TRPS1: variants seen among roughly 807,000 people sequenced by gnomAD.
TRPS1 encodes transcriptional repressor GATA binding 1.
TRPS1 carries 6 observed loss-of-function variants against 101.2 expected under a neutral mutation model. That is an observed-to-expected ratio of 0.06 (90% CI 0.03 to 0.12). The LOEUF is 0.12. Ranked by LOEUF, TRPS1 falls within the 10% of genes least tolerant of loss-of-function variation. The pLI is 1.00. For synonymous variants in TRPS1, 578 were observed against 589.8 expected (o/e 0.98, Z 0.29); for missense variants, 1,363 against 1,567.0 (o/e 0.87, Z 2.20).
intron 1 of TRPS1, among the ~76,000 whole-genome samples, chr8:115,657,161 G>A (rs1178548201): frequency 2.6e-5 from 4 of 152,054 alleles, no homozygotes; most frequent in Admixed American, 6.6e-5. Flanking sequence ...AAAACTGTCA[G>A]TTTCCTCTGC....
chr8:115,431,075 A>G (rs958139769), intron 5 of TRPS1, among the ~76,000 whole-genome samples: 3 of 152,042 alleles, frequency 2.0e-5, no homozygotes, highest in African/African-American at 7.2e-5. Context: ...TTTTATTACT[A>G]TGTTGGAGTT....
chr8:115,622,940 T>G (rs1818429244), intron 2 of TRPS1, among the ~76,000 whole-genome samples: 1 of 152,130 alleles, frequency 6.6e-6, no homozygotes, highest in South Asian at 2.1e-4. Context: ...TCTAAATACA[T>G]TAGTATTTTA....
chr8:115,502,234 TAC>T (rs1179260210), intron 5 of TRPS1, among the ~76,000 whole-genome samples: 1 of 152,126 alleles, frequency 6.6e-6, no homozygotes, highest in Non-Finnish European at 1.5e-5. Flanking sequence ...TTCTCTGAGT[TAC>T]AGTTTTGGTT....
intron 5 of TRPS1, among the ~76,000 whole-genome samples, chr8:115,442,242 C>T (rs1244332405): frequency 6.6e-6 from 1 of 152,144 alleles, no homozygotes; most frequent in African/African-American, 2.4e-5. Flanking sequence ...ATTATAGAAA[C>T]AGCCAACTTC....
chr8:115,628,136 A>T (rs1055314067), intron 1 of TRPS1, among the ~76,000 whole-genome samples: 34 of 151,798 alleles, frequency 2.2e-4, no homozygotes, highest in Non-Finnish European at 4.0e-4. Context: ...TTCATATGCA[A>T]TAGTTCTTCC....
intron 5 of TRPS1, among the ~76,000 whole-genome samples, chr8:115,462,135 T>A (rs539551630): frequency 6.6e-6 from 1 of 152,200 alleles, no homozygotes; most frequent in East Asian, 1.9e-4. Context: ...TGAGGAAATA[T>A]GATCTTACTC....
At chr8:115,519,853 G>T (rs1815814967) in intron 5 of TRPS1, among the ~76,000 whole-genome samples, 1 of 151,570 alleles carries the variant, frequency 6.6e-6, no homozygotes, top group Admixed American at 6.6e-5. Context: ...TGAATATAAT[G>T]TTTTTCCAAA....
intron 5 of TRPS1, among the ~76,000 whole-genome samples, chr8:115,524,973 T>C (rs908440039): frequency 2.0e-5 from 3 of 152,190 alleles, no homozygotes; most frequent in Admixed American, 2.0e-4. Context: ...GAAGGAGTCA[T>C]TAGTTCAAAC....
chr8:115,632,224 C>T (rs78427544), intron 1 of TRPS1, among the ~76,000 whole-genome samples: 1,953 of 151,880 alleles, frequency 0.013, 50 homozygotes, highest in African/African-American at 0.045. Flanking sequence ...TAATGTTTAC[C>T]ATAAATATAT....
In TRPS1 at chr8:115,604,456, C is replaced by T. The variant is rs773440901; in HGVS notation, c.1513G>A (p.Gly505Arg). 16 of 1,613,924 alleles carry T rather than the reference C, an allele frequency of 9.9e-6. No individual in the cohort carries two copies. The South Asian group carries it at 1.6e-4, about 17-fold the overall frequency. The change falls in exon 4 of 7, where the codon GGA becomes AGA. Residue 505 changes from glycine (G) to arginine (R), a missense_variant. By Grantham distance (125) the Gly-to-Arg change is moderately radical. Transcript: ENST00000395715. This position sits in a 1 kb window ranked among gnomAD's most constrained non-coding sequence, Gnocchi z 4.1. ...TTGTCTGTCTTGGTCATTGTCTCTC[C>T]TTCTGAACTTTTGGCTAGATCATTC... ...NQNDLAKSSE[G>R]ETMTKTDKSS...
intron 1 of TRPS1, chr8:115,637,435 C>G (rs1205098962): frequency 2.4e-6 from 1 of 415,160 alleles, no homozygotes; most frequent in Non-Finnish European, 3.2e-6. Flanking sequence ...CAAAACAAAT[C>G]TTCAACTCTG....
In TRPS1 at chr8:115,559,816, T is replaced by C. The variant is rs544341510; in HGVS notation, c.2700+27185A>G. 5.3e-5 allele frequency among the ~76,000 whole-genome samples: 8 copies of C among 152,248 alleles called. No individual in the cohort carries two copies. The East Asian group carries it at 1.4e-3, about 26-fold the overall frequency. On this transcript the variant is annotated intron_variant, in intron 5 of 6. Coordinates refer to ENST00000395715, the MANE Select transcript of TRPS1 (RefSeq NM_014112.5). ...GCACTTTCCCCCAGGTGTACATCTTTTATATGAAACCAAATCATCAAGTTG... is the reference window on the plus strand; with the variant it reads ...GCACTTTCCCCCAGGTGTACATCTTCTATATGAAACCAAATCATCAAGTTG...
At chr8:115,439,846 C>T (rs892029180) in intron 5 of TRPS1, among the ~76,000 whole-genome samples, 4 of 152,186 alleles carry the variant, frequency 2.6e-5, no homozygotes, top group African/African-American at 4.8e-5. Context: ...CAGTGTCTCA[C>T]TCTCTGATTA....
intron 5 of TRPS1, among the ~76,000 whole-genome samples, chr8:115,548,519 C>T (rs1816631684): frequency 6.6e-6 from 1 of 151,910 alleles, no homozygotes; most frequent in African/African-American, 2.4e-5. Context: ...ATCGCGAACT[C>T]CTGATTCTGC....
At chr8:115,458,946 TATGA>T (rs1814096235) in intron 5 of TRPS1, among the ~76,000 whole-genome samples, 1 of 152,240 alleles carries the variant, frequency 6.6e-6, no homozygotes, top group African/African-American at 2.4e-5. Context: ...TCATTGCATA[TATGA>T]TTAAATAGCT....
In TRPS1 at chr8:115,413,829, T is replaced by C. The variant is rs575951848; in HGVS notation, c.*194A>G. 1.3e-5 allele frequency: 8 copies of C among 607,628 alleles called. No individual in the cohort carries two copies. In the South Asian group the frequency reaches 1.5e-4, roughly 12 times the overall value. The allele number at this position is 607,628 out of a possible 1,614,324, so 37.6% of individuals were successfully genotyped here. Reference sequence around the variant, plus strand: ...GTTTACCATCTTCCATTCTTTCTCATTGACCATTTATCTCACTTTTTAATC... The same window carrying C: ...GTTTACCATCTTCCATTCTTTCTCACTGACCATTTATCTCACTTTTTAATC... On this transcript the variant is annotated 3_prime_UTR_variant, in exon 7 of 7. Transcript: ENST00000395715.
intron 4 of TRPS1, among the ~76,000 whole-genome samples, chr8:115,603,090 A>G (rs1049887034): frequency 2.0e-5 from 3 of 152,184 alleles, no homozygotes; most frequent in African/African-American, 7.2e-5. Flanking sequence ...TGCCTGGTAC[A>G]ATAGGATTTT....
At chr8:115,469,765 G>A (rs1044605104) in intron 5 of TRPS1, among the ~76,000 whole-genome samples, 1 of 152,134 alleles carries the variant, frequency 6.6e-6, no homozygotes, top group Admixed American at 6.5e-5. Flanking sequence ...CTGAACTCAG[G>A]TGATCTGCCC....
intron 5 of TRPS1, among the ~76,000 whole-genome samples, chr8:115,433,167 T>C (rs1488363252): frequency 6.6e-6 from 1 of 151,982 alleles, no homozygotes; most frequent in Non-Finnish European, 1.5e-5. Flanking sequence ...GATCAGAATA[T>C]TTGAATGTTC....
Sources: gnomAD v4.1 joint callset for allele counts (sites outside exome capture counted in the v4.1 genomes callset) on GRCh38, gnomAD v4.1.1 for gene constraint, Gnocchi (gnomAD v3.1) non-coding constraint, MANE v1.5 for transcripts, NCBI Gene and HGNC (gene_info 2026-07-23, HGNC 2026-07-21) for gene names.